Variants in ANKRD42 observed in about 807,000 individuals in gnomAD.
The protein encoded by ANKRD42 is ankyrin repeat domain 42.
Under a neutral mutation model 51.5 loss-of-function variants are expected in ANKRD42, and 43 were observed. That is an observed-to-expected ratio of 0.83 (90% CI 0.65 to 1.08). The LOEUF (loss-of-function observed/expected upper bound fraction) is 1.08, where lower values mean the gene tolerates loss of function less well. Ranked by LOEUF, ANKRD42 falls within the 50% of genes least tolerant of loss-of-function variation. The pLI, the probability that ANKRD42 is intolerant of heterozygous loss-of-function variation, is 0.00. For missense variants in ANKRD42, 608 were observed against 629.3 expected (o/e 0.97, Z 0.36); for synonymous variants, 203 against 213.0 (o/e 0.95, Z 0.41).
intron 5 of ANKRD42, among the ~76,000 whole-genome samples, chr11:83,220,429 T>G (rs567266881): frequency 2.4e-4 from 37 of 152,294 alleles, no homozygotes; most frequent in African/African-American, 8.9e-4. Flanking sequence ...TAGATGCCTT[T>G]CCTGGACACT....
intron 4 of ANKRD42, 139 bp from the exon 5 acceptor site, chr11:83,211,156 C>A: frequency 2.0e-6 from 2 of 1,016,016 alleles, no homozygotes; most frequent in Non-Finnish European, 3.0e-6. Flanking sequence ...TTAGTGGTTG[C>A]AGTACATTTT....
At chr11:83,254,034 T>G (rs1863719555) in intron 11 of ANKRD42, among the ~76,000 whole-genome samples, 1 of 152,148 alleles carries the variant, frequency 6.6e-6, no homozygotes, top group African/African-American at 2.4e-5. Flanking sequence ...GCATTCAGGG[T>G]CATGATCTTG....
chr11:83,226,270 G>C (rs1037460101), intron 6 of ANKRD42, among the ~76,000 whole-genome samples: 1 of 151,948 alleles, frequency 6.6e-6, no homozygotes, highest in African/African-American at 2.4e-5. Context: ...TACCTAACCT[G>C]ATCCCTAGCA....
At chr11:83,236,333 T>G in intron 7 of ANKRD42, 71 bp from the exon 8 acceptor site, 1 of 1,348,092 alleles carries the variant, frequency 7.4e-7, no homozygotes, top group Non-Finnish European at 1.0e-6. Context: ...CTGTCCAAAA[T>G]TTTAGAAAAT....
chr11:83,206,738 G>A (rs182337696), intron 3 of ANKRD42, among the ~76,000 whole-genome samples: 16 of 152,246 alleles, frequency 1.1e-4, no homozygotes, highest in African/African-American at 3.9e-4. Context: ...ATAAATTTTT[G>A]TTGTTTATAT....
intron 9 of ANKRD42, among the ~76,000 whole-genome samples, chr11:83,243,245 A>G (rs1863445195): frequency 6.6e-6 from 1 of 152,068 alleles, no homozygotes; most frequent in Admixed American, 6.6e-5. Context: ...GCATTTTTTC[A>G]TATGCTTGTT....
At chr11:83,218,855 C>T (rs1033960603) in intron 5 of ANKRD42, among the ~76,000 whole-genome samples, 39 of 152,264 alleles carry the variant, frequency 2.6e-4, no homozygotes, top group Admixed American at 7.8e-4. Flanking sequence ...AAAGCCTGTA[C>T]ATAAGGGACT....
chr11:83,194,641 ACTC>A lies in ANKRD42; in HGVS notation c.-25_-23del, dbSNP rs746483724. 6 of 1,612,416 alleles carry A rather than the reference ACTC, an allele frequency of 3.7e-6. No homozygotes were observed. Among genetic ancestry groups the A allele is most frequent in the Non-Finnish European group, 5.1e-6 (6 of 1,179,348 alleles). On this transcript the variant is annotated 5_prime_UTR_variant, in exon 1 of 11. Coordinates refer to ENST00000533342, the MANE Select transcript of ANKRD42 (RefSeq NM_001300975.2). ...CCGCAGCATCAGGGGCCTGGACTCA[ACTC>A]CTCCCCAGAGTCGGAGGTGTTGCGC...
At chr11:83,211,526 G>T (rs1198351849) in intron 5 of ANKRD42, 96 bp downstream of exon 5, 12 of 1,374,132 alleles carry the variant, frequency 8.7e-6, no homozygotes, top group Non-Finnish European at 8.0e-6. Flanking sequence ...GTTGAGCGTG[G>T]TGGCTTACAT....
chr11:83,236,459 C>G lies in ANKRD42; in HGVS notation c.969C>G (p.Asp323Glu). The G allele has an allele frequency of 6.2e-7, 1 of 1,612,378 alleles. No homozygotes were observed. Among genetic ancestry groups the G allele is most frequent in the Non-Finnish European group, 8.5e-7 (1 of 1,179,432 alleles). Residue 323 changes from aspartate to glutamate, a missense_variant, in exon 8 of 11, where the codon GAC (aspartate) becomes GAG (glutamate). Transcript: ENST00000533342. ...CLQWLIKMGA[D>E]SNITNKAGER... ...AGTGGTTAATTAAAATGGGAGCAGA[C>G]AGTAATATTACCAACAAAGCAGGGG...
At chr11:83,241,826 G>C (rs1863396724) in intron 9 of ANKRD42, among the ~76,000 whole-genome samples, 1 of 152,142 alleles carries the variant, frequency 6.6e-6, no homozygotes, top group Non-Finnish European at 1.5e-5. Flanking sequence ...CACTCTACCT[G>C]TTGGGTGGGT....
chr11:83,243,361 G>A (rs900647058), intron 9 of ANKRD42, among the ~76,000 whole-genome samples: 3 of 152,208 alleles, frequency 2.0e-5, no homozygotes, highest in African/African-American at 7.2e-5. Flanking sequence ...GCATAAATAC[G>A]TGATTTTTAT....
At chr11:83,263,738 G>A (rs1334978243), downstream of ANKRD42, among the ~76,000 whole-genome samples, 1 of 152,220 alleles carries the variant, frequency 6.6e-6, no homozygotes, top group East Asian at 1.9e-4. Flanking sequence ...GGAATGATAA[G>A]AGTCTAGGTG....
At chr11:83,238,443 C>T (rs1863285286) in intron 8 of ANKRD42, among the ~76,000 whole-genome samples, 1 of 152,148 alleles carries the variant, frequency 6.6e-6, no homozygotes, top group Admixed American at 6.5e-5. Context: ...CACCTGTAAT[C>T]CCAGCATTTT....
At chr11:83,197,508 G>C (rs1358872898) in intron 1 of ANKRD42, among the ~76,000 whole-genome samples, 1 of 152,178 alleles carries the variant, frequency 6.6e-6, no homozygotes, top group Non-Finnish European at 1.5e-5. Flanking sequence ...TTAACATTCT[G>C]ATTGTGGAGA....
chr11:83,200,848 A>C (rs1213693449), intron 2 of ANKRD42, among the ~76,000 whole-genome samples: 3 of 152,160 alleles, frequency 2.0e-5, no homozygotes, highest in Admixed American at 2.0e-4. Flanking sequence ...AAGCCATTTA[A>C]CATGGTAGAC....
chr11:83,217,914 C>G (rs1862591528), intron 5 of ANKRD42, among the ~76,000 whole-genome samples: 1 of 152,202 alleles, frequency 6.6e-6, no homozygotes, highest in Non-Finnish European at 1.5e-5. Flanking sequence ...TCTTATCTTG[C>G]TTTTCCCTTT....
Position 83,232,101 on chromosome 11 carries a change from C to CT in ANKRD42, c.913+4246dup, listed in dbSNP as rs59648047. 1.3e-3 allele frequency among the ~76,000 whole-genome samples: 182 copies of CT among 140,498 alleles called. 1 individual carries two copies. The highest frequency in any genetic ancestry group is 1.0e-3 in the East Asian group (5 of 4,762). The allele number at this position is 140,498 out of a possible 152,430, so 92.2% of individuals were successfully genotyped here. ...TTTTGTGGTTCCATATAAATTTTAG[C>CT]TTTTTTTTTTTTTTTTTCTATTTCC... On this transcript the variant is annotated intron_variant, in intron 7 of 10. Coordinates refer to ENST00000533342, the MANE Select transcript of ANKRD42 (RefSeq NM_001300975.2).
chr11:83,261,447 C>T (rs1268604481), downstream of ANKRD42: 1 of 152,192 alleles, frequency 6.6e-6, no homozygotes, highest in Non-Finnish European at 1.5e-5. Context: ...CTTTGAAAAC[C>T]CACACAACTT....
Sources: gnomAD v4.1 joint callset for allele counts (sites outside exome capture counted in the v4.1 genomes callset) on GRCh38, gnomAD v4.1.1 for gene constraint, MANE v1.5 for transcripts, NCBI Gene and HGNC (gene_info 2026-07-23, HGNC 2026-07-21) for gene names.